Variants in RYR3 observed in about 807,000 individuals in gnomAD.
RYR3 encodes the protein ryanodine receptor 3.
Under a neutral mutation model 584.3 loss-of-function variants are expected in RYR3, and 207 were observed. That is an observed-to-expected ratio of 0.35 (90% CI 0.32 to 0.40). RYR3 has a LOEUF of 0.40. Ranked by LOEUF, RYR3 falls within the 10% of genes least tolerant of loss-of-function variation. The pLI is 1.00. For missense variants in RYR3, 5,616 were observed against 6,089.2 expected (o/e 0.92, Z 2.59); for synonymous variants, 2,416 against 2,248.5 (o/e 1.07, Z -2.11).
chr15:33,579,815 A>G (rs1386474061), intron 12 of RYR3, among the ~76,000 whole-genome samples, 161 bp from the exon 13 acceptor site: 1 of 152,162 alleles, frequency 6.6e-6, no homozygotes, highest in African/African-American at 2.4e-5. Context: ...TGTTGCTCTG[A>G]TATCTGGGAA....
At chr15:33,345,736 C>T (rs1241892661) in intron 1 of RYR3, among the ~76,000 whole-genome samples, 1 of 152,078 alleles carries the variant, frequency 6.6e-6, no homozygotes, top group African/African-American at 2.4e-5. Flanking sequence ...ACACAGTGTT[C>T]AAGAGAAAAT....
chr15:33,789,230 A>G (rs8042964), intron 67 of RYR3, among the ~76,000 whole-genome samples: 91,341 of 151,838 alleles, frequency 0.6, 28,780 homozygotes, highest in East Asian at 0.96. Flanking sequence ...GTCCAGGCCT[A>G]GGACGCCACT....
chr15:33,800,936 C>A, intron 68 of RYR3, 79 bp downstream of exon 68: 1 of 1,041,370 alleles, frequency 9.6e-7, no homozygotes, highest in Non-Finnish European at 1.5e-6. Context: ...GAAAAAAAGC[C>A]AACAGTAAAA....
chr15:33,351,710 C>A (rs1339783760), intron 1 of RYR3, among the ~76,000 whole-genome samples: 2 of 150,296 alleles, frequency 1.3e-5, no homozygotes, highest in East Asian at 3.9e-4. Flanking sequence ...AATTCAACAA[C>A]CCTTCATGCT....
At chr15:33,549,713 A>C (rs2056529766) in intron 9 of RYR3, among the ~76,000 whole-genome samples, 1 of 152,216 alleles carries the variant, frequency 6.6e-6, no homozygotes, top group Non-Finnish European at 1.5e-5. Flanking sequence ...TGGCAAGTGT[A>C]AGCTGTGCAG....
intron 1 of RYR3, among the ~76,000 whole-genome samples, chr15:33,448,517 G>A (rs1385107121): frequency 6.6e-6 from 1 of 152,244 alleles, no homozygotes; most frequent in Non-Finnish European, 1.5e-5. Context: ...CAAAGGCAAA[G>A]CCTTGAGAGC....
At chr15:33,445,777 T>C (rs1024236218) in intron 1 of RYR3, among the ~76,000 whole-genome samples, 1 of 151,810 alleles carries the variant, frequency 6.6e-6, no homozygotes, top group African/African-American at 2.4e-5. Flanking sequence ...ATTTTTTTTT[T>C]AATGAAAGTT....
intron 69 of RYR3, 31 bp from the exon 70 acceptor site, chr15:33,807,524 C>T: frequency 1.3e-6 from 2 of 1,551,218 alleles, no homozygotes; most frequent in Non-Finnish European, 1.7e-6. Context: ...GACTCTTCTC[C>T]TTGTTTCTTT....
intron 1 of RYR3, among the ~76,000 whole-genome samples, chr15:33,385,111 T>G (rs1237815401): frequency 6.6e-6 from 1 of 152,244 alleles, no homozygotes; most frequent in African/African-American, 2.4e-5. Context: ...AGCTTTTTCC[T>G]TATTCCTCTA....
At chr15:33,379,525 G>A (rs1393275294) in intron 1 of RYR3, among the ~76,000 whole-genome samples, 1 of 151,966 alleles carries the variant, frequency 6.6e-6, no homozygotes. Context: ...CAGTGTGTCT[G>A]TTTTTCACTC....
intron 12 of RYR3, among the ~76,000 whole-genome samples, chr15:33,570,645 T>C (rs1222743275): frequency 6.6e-6 from 1 of 152,134 alleles, no homozygotes; most frequent in Non-Finnish European, 1.5e-5. Flanking sequence ...TTTTGATGGG[T>C]ATTAAATTGA....
intron 10 of RYR3, among the ~76,000 whole-genome samples, chr15:33,551,721 T>C (rs967475151): frequency 6.6e-6 from 1 of 152,038 alleles, no homozygotes; most frequent in Non-Finnish European, 1.5e-5. Context: ...ATTCTGGTTT[T>C]CTGAGCATAT....
intron 2 of RYR3, among the ~76,000 whole-genome samples, chr15:33,491,424 T>C (rs2050953894): frequency 1.3e-5 from 2 of 152,244 alleles, no homozygotes; most frequent in Non-Finnish European, 2.9e-5. Context: ...AAGTGGCTAA[T>C]CTGAAGCATT....
Position 33,742,331 on chromosome 15 carries a change from T to TG in RYR3, c.7821-31dup, listed in dbSNP as rs756737993. On this transcript the variant is annotated intron_variant, in intron 51 of 103. Transcript: ENST00000634891. The stretch of plus-strand genomic sequence containing the variant: ...TTCTACTATGTCTGGCTGAAGTGCT[T>TG]GGGGAGGTTGTAATTTTTTTTCCTC... The TG allele has an allele frequency of 5.2e-6, 7 of 1,351,150 alleles. No individual in the cohort carries two copies. In the South Asian group the frequency reaches 8.2e-5, roughly 16 times the overall value. The allele number at this position is 1,351,150 out of a possible 1,614,324, so 83.7% of individuals were successfully genotyped here.
chr15:33,596,701 A>G (rs1196513369), intron 16 of RYR3, among the ~76,000 whole-genome samples: 1 of 152,180 alleles, frequency 6.6e-6, no homozygotes, highest in African/African-American at 2.4e-5. Context: ...TTGAAACCAT[A>G]TAATATATTA....
Position 33,390,867 on chromosome 15 carries a change from T to G in RYR3, c.51+79771T>G, listed in dbSNP as rs144040882. Among the ~76,000 whole-genome samples the G allele has an allele frequency of 6.6e-6, 1 of 152,128 alleles. No homozygotes were observed. The highest frequency in any genetic ancestry group is 1.5e-5 in the Non-Finnish European group (1 of 68,014). On this transcript the variant is annotated intron_variant, in intron 1 of 103. Transcript: ENST00000634891. The surrounding 1 kb of genome is among the most constrained non-coding windows in gnomAD (Gnocchi z 4.2). ...GAGACATTGCACACAGTACTGTACT[T>G]TCAGTTGCTGGAGAAAGGAACATGC... is the stretch of plus-strand genomic sequence containing the variant.
chr15:33,584,327 C>T (rs916593230), intron 14 of RYR3, 68 bp from the exon 15 acceptor site: 5 of 809,512 alleles, frequency 6.2e-6, no homozygotes, highest in Non-Finnish European at 1.0e-5. Context: ...TATTCGACAG[C>T]TTTCCAAGTT....
chr15:33,794,151 T>G (rs958752761), intron 67 of RYR3, among the ~76,000 whole-genome samples: 18 of 116,070 alleles, frequency 1.6e-4, no homozygotes, highest in African/African-American at 4.6e-4. Context: ...TACATAAATA[T>G]ATAATATATA....
intron 1 of RYR3, among the ~76,000 whole-genome samples, chr15:33,425,787 G>T (rs571417629): frequency 1.3e-5 from 2 of 151,520 alleles, no homozygotes; most frequent in African/African-American, 2.4e-5. Flanking sequence ...GACTACAGGC[G>T]CCCGCCACCA....
Sources: gnomAD v4.1 joint callset for allele counts (sites outside exome capture counted in the v4.1 genomes callset) on GRCh38, gnomAD v4.1.1 for gene constraint, Gnocchi (gnomAD v3.1) non-coding constraint, MANE v1.5 for transcripts, NCBI Gene and HGNC (gene_info 2026-07-23, HGNC 2026-07-21) for gene names.